FIGNL2: variants seen among roughly 807,000 people sequenced by gnomAD.
The protein encoded by FIGNL2 is fidgetin like 2, also known as fidgetin-like protein 2.
For synonymous variants in FIGNL2, 565 were observed against 484.0 expected (o/e 1.17, Z -2.20); for missense variants, 1,060 against 950.2 (o/e 1.12, Z -1.52).
At chr12:51,847,891 G>T in intron 1 of FIGNL2, 1 of 935,282 alleles carries the variant, frequency 1.1e-6, no homozygotes, top group African/African-American at 1.8e-5. Flanking sequence ...TGTAGCCCCA[G>T]GGTGAAGGTG....
intron 1 of FIGNL2, among the ~76,000 whole-genome samples, chr12:51,837,518 CT>C (rs1346079691): frequency 6.6e-6 from 1 of 152,196 alleles, no homozygotes; most frequent in Non-Finnish European, 1.5e-5. Flanking sequence ...ATAACAGCTC[CT>C]TTTTTCTCTT....
chr12:51,845,992 G>A (rs1378432225), intron 1 of FIGNL2, among the ~76,000 whole-genome samples: 8 of 152,220 alleles, frequency 5.3e-5, no homozygotes, highest in East Asian at 1.9e-4. Context: ...GGGAGAGGAG[G>A]AGCCCCACCC....
intron 1 of FIGNL2, among the ~76,000 whole-genome samples, chr12:51,826,676 G>T (rs1939352997): frequency 1.3e-5 from 2 of 151,058 alleles, no homozygotes; most frequent in South Asian, 4.2e-4. Flanking sequence ...TAACCAGGAA[G>T]CAGGGCACCA....
At chr12:51,827,816 T>C (rs981790981) in intron 1 of FIGNL2, among the ~76,000 whole-genome samples, 24 of 152,178 alleles carry the variant, frequency 1.6e-4, no homozygotes, top group African/African-American at 5.1e-4. Context: ...CCAGCGCCTG[T>C]TCTACGTTTT....
In FIGNL2 at chr12:51,821,982, G is replaced by T; in HGVS notation, c.432C>A (p.Tyr144Ter). Residue 144 changes from tyrosine (Y) to a stop codon, truncating the protein, a stop_gained, in exon 2 of 2, where the codon TAC (tyrosine) becomes TAA (stop). Coordinates refer to ENST00000618634, the MANE Select transcript of FIGNL2 (RefSeq NM_001384995.1). LOFTEE classifies it low-confidence loss of function (END_TRUNC). ...ATGGGCCCCCGCACGCATTGCCGGCGTAGAGGGGTTCAGGGAGGTTCCCGG... is the reference window on the plus strand; with the variant it reads ...ATGGGCCCCCGCACGCATTGCCGGCTTAGAGGGGTTCAGGGAGGTTCCCGG... ...VLAGNLPEPL[Y>*]AGNACGGPSA... The T allele has an allele frequency of 6.4e-7, 1 of 1,573,774 alleles. No individual in the cohort carries two copies. Among genetic ancestry groups the T allele is most frequent in the Non-Finnish European group, 8.6e-7 (1 of 1,160,934 alleles).
Position 51,843,382 on chromosome 12 carries a change from C to CAA in FIGNL2, c.-12+5156_-12+5157dup, listed in dbSNP as rs61653181. ...CAAAACCCCGTCTCTACTAAAAATA[C>CAA]AAAAAAAAAAAAAAAATTAGCTGGG... On this transcript the variant is annotated intron_variant, in intron 1 of 1. Transcript: ENST00000618634. Among the ~76,000 whole-genome samples the CAA allele has an allele frequency of 9.7e-3, 1,406 of 145,150 alleles. 5 individuals carry two copies. Among genetic ancestry groups the CAA allele is most frequent in the Middle Eastern group, 0.028 (8 of 286 alleles).
intron 1 of FIGNL2, among the ~76,000 whole-genome samples, chr12:51,834,136 GAT>G (rs1489824878): frequency 2.6e-5 from 4 of 151,884 alleles, no homozygotes; most frequent in African/African-American, 9.7e-5. Context: ...TGGATGGATG[GAT>G]GGATGATCCT....
At position 51,821,853 on chromosome 12, in the gene FIGNL2, G is replaced by T. The variant is rs999111664; in HGVS notation, c.561C>A (p.Leu187=). The T allele has an allele frequency of 1.5e-6, 2 of 1,293,626 alleles. No homozygotes were observed. Among genetic ancestry groups the T allele is most frequent in the Non-Finnish European group, 2.0e-6 (2 of 1,023,906 alleles). The allele number at this position is 1,293,626 out of a possible 1,614,324, so 80.1% of individuals were successfully genotyped here. A position where few individuals can be genotyped will look rare whatever the true frequency, so the allele number is the denominator to read the frequency against. The stretch of plus-strand genomic sequence containing the variant: ...ACCCCGGAGGCGGTGGGGGCTGCAG[G>T]AGCGCGGCCGGGGGCGGCGGGGGCA... ...AALPPPPPAA[L]LQPPPPPGYG... is the part of the protein sequence containing the mutation. Residue 187 remains leucine, a synonymous_variant, in exon 2 of 2, where the codon CTC becomes CTA. Coordinates refer to ENST00000618634, the MANE Select transcript of FIGNL2 (RefSeq NM_001384995.1).
chr12:51,848,704 G>A lies in FIGNL2; in HGVS notation c.-176C>T, dbSNP rs1939804915. 4.1e-6 allele frequency: 1 copy of A among 246,262 alleles called. No homozygotes were observed. Among genetic ancestry groups the A allele is most frequent in the Non-Finnish European group, 6.5e-6 (1 of 154,476 alleles). 15.3% of individuals were successfully genotyped at this position (246,262 alleles called of 1,614,324 possible). A position where few individuals can be genotyped will look rare whatever the true frequency, so the allele number is the denominator to read the frequency against. ...TGCTGCGGCTGCTGCGGCCGCCGCG[G>A]GCGGGAGCGGGACTGGGCAGTGGGG... On this transcript the variant is annotated 5_prime_UTR_variant, in exon 1 of 2. Transcript: ENST00000618634.
At chr12:51,833,002 C>T (rs1939500664) in intron 1 of FIGNL2, among the ~76,000 whole-genome samples, 1 of 152,162 alleles carries the variant, frequency 6.6e-6, no homozygotes, top group Non-Finnish European at 1.5e-5. Flanking sequence ...TTCTCACCAC[C>T]TCAGGGATGC....
intron 1 of FIGNL2, among the ~76,000 whole-genome samples, chr12:51,840,230 G>C (rs1323694149): frequency 6.6e-6 from 1 of 152,158 alleles, no homozygotes; most frequent in African/African-American, 2.4e-5. Context: ...GGGCTGGTGA[G>C]GTCCTTCCAG....
intron 1 of FIGNL2, among the ~76,000 whole-genome samples, chr12:51,831,367 A>G (rs930900455): frequency 2.0e-5 from 3 of 152,182 alleles, no homozygotes; most frequent in Non-Finnish European, 4.4e-5. Context: ...AAACAAGGAA[A>G]GTGCAGAGCT....
chr12:51,840,868 T>A (rs1327914014), intron 1 of FIGNL2, among the ~76,000 whole-genome samples: 1 of 152,204 alleles, frequency 6.6e-6, no homozygotes, highest in African/African-American at 2.4e-5. Context: ...AGTTTTAGGA[T>A]CCAAGGTTGA....
chr12:51,830,720 T>A (rs544598783), intron 1 of FIGNL2, among the ~76,000 whole-genome samples: 1 of 152,176 alleles, frequency 6.6e-6, no homozygotes, highest in East Asian at 1.9e-4. Flanking sequence ...CTCAAACTCC[T>A]GACCTCATGA....
intron 1 of FIGNL2, chr12:51,847,130 T>C (rs1211367657): frequency 1.0e-6 from 1 of 985,260 alleles, no homozygotes; most frequent in African/African-American, 1.7e-5. Flanking sequence ...CCTTGGGGGC[T>C]CAGGCACAGC....
At chr12:51,844,781 G>A (rs1443659022) in intron 1 of FIGNL2, 1 of 985,302 alleles carries the variant, frequency 1.0e-6, no homozygotes, top group Non-Finnish European at 1.2e-6. Context: ...AGTCAGAGAT[G>A]AGATGACCAG....
At chr12:51,833,148 A>T (rs2138989661) in intron 1 of FIGNL2, among the ~76,000 whole-genome samples, 1 of 152,230 alleles carries the variant, frequency 6.6e-6, no homozygotes, top group Non-Finnish European at 1.5e-5. Context: ...CCCAGGCTCA[A>T]GCAGTCCTCC....
chr12:51,845,518 G>C, intron 1 of FIGNL2: 3 of 985,460 alleles, frequency 3.0e-6, no homozygotes, highest in Non-Finnish European at 2.4e-6. Flanking sequence ...GAGCACAGGG[G>C]CACTGGGGCC....
rs1186503246 is a variant in FIGNL2 at position 51,848,613 on chromosome 12, G to T, written c.-85C>A. On this transcript the variant is annotated 5_prime_UTR_variant, in exon 1 of 2. Transcript: ENST00000618634. ...CGTCCGGCCCGGGGACCGGGGCGGC[G>T]GCGCGGGCCGGGGGCGACAGGCCTG... The T allele has an allele frequency of 2.7e-5, 23 of 865,664 alleles. No homozygotes were observed. The highest frequency in any genetic ancestry group is 3.2e-5 in the Non-Finnish European group (23 of 721,416). The allele number at this position is 865,664 out of a possible 1,614,324, so 53.6% of individuals were successfully genotyped here. A position where few individuals can be genotyped will look rare whatever the true frequency, so the allele number is the denominator to read the frequency against.
Sources: gnomAD v4.1 joint callset for allele counts (sites outside exome capture counted in the v4.1 genomes callset) on GRCh38, gnomAD v4.1.1 for gene constraint, MANE v1.5 for transcripts, NCBI Gene and HGNC (gene_info 2026-07-23, HGNC 2026-07-21) for gene names.